MAP1B: variants seen among roughly 807,000 people sequenced by gnomAD.
The protein encoded by MAP1B is microtubule associated protein 1B, also known as microtubule-associated protein 1B.
A neutral mutation model predicts 176.1 loss-of-function variants in MAP1B; 12 were observed. The ratio of observed to expected loss-of-function variants is 0.07; its 90% CI spans 0.04 to 0.11. MAP1B has a LOEUF of 0.11. Among genes scored for constraint, MAP1B ranks in the 10% least tolerant of loss-of-function variants. The pLI is 1.00. For synonymous variants in MAP1B, 1,044 were observed against 1,135.0 expected, an observed-to-expected ratio of 0.92 and a Z score of 1.61; for missense variants, 2,523 against 2,990.5, an observed-to-expected ratio of 0.84 and a Z score of 3.65.
rs538070638 is a variant in MAP1B at position 72,196,306 on chromosome 5, C to G, written c.2951C>G (p.Ala984Gly). The change falls in exon 5 of 7, where the codon GCA becomes GGA. Residue 984 changes from alanine (A) to glycine (G), a missense_variant. Transcript: ENST00000296755. The surrounding 1 kb of genome is among the most constrained non-coding windows in gnomAD (Gnocchi z 5.3). The stretch of plus-strand genomic sequence containing the variant: ...GAAAGTGCCAAGGCGGAGGCTGATG[C>G]ATACATCAGGGAGAAGAGGGAGTCT... ...DEESAKAEAD[A>G]YIREKRESVA... 6.2e-7 allele frequency: 1 copy of G among 1,614,024 alleles called. No homozygotes were observed. Among genetic ancestry groups the G allele is most frequent in the Non-Finnish European group, 8.5e-7 (1 of 1,180,012 alleles).
At chr5:72,166,975 T>C (rs904633139) in intron 2 of MAP1B, among the ~76,000 whole-genome samples, 1 of 151,864 alleles carries the variant, frequency 6.6e-6, no homozygotes, top group Non-Finnish European at 1.5e-5. Context: ...AGTATAGCTT[T>C]TGGTACAGCC....
At chr5:72,164,783 C>T (rs967647655) in intron 2 of MAP1B, among the ~76,000 whole-genome samples, 3 of 152,100 alleles carry the variant, frequency 2.0e-5, no homozygotes, top group Non-Finnish European at 4.4e-5. Flanking sequence ...GCTCTCAGTC[C>T]GCTGGGTGAA....
At chr5:72,115,193 T>G (rs1745410664) in intron 1 of MAP1B, among the ~76,000 whole-genome samples, 1 of 152,042 alleles carries the variant, frequency 6.6e-6, no homozygotes, top group Non-Finnish European at 1.5e-5. Flanking sequence ...AGGAAAGAAA[T>G]TACACATGTA....
intron 1 of MAP1B, 75 bp from the exon 2 acceptor site, chr5:72,115,622 AT>A (rs1301040548): frequency 1.2e-6 from 1 of 845,210 alleles, no homozygotes; most frequent in Non-Finnish European, 2.1e-6. Context: ...CCTGAGAAAT[AT>A]TACAGTGATG....
chr5:72,160,339 T>C (rs1475620177), intron 2 of MAP1B, among the ~76,000 whole-genome samples: 1 of 152,224 alleles, frequency 6.6e-6, no homozygotes, highest in Non-Finnish European at 1.5e-5. Context: ...TTACTACAAA[T>C]TATACTTTTC....
chr5:72,180,062 G>T (rs1016482436), intron 2 of MAP1B, among the ~76,000 whole-genome samples: 1 of 152,220 alleles, frequency 6.6e-6, no homozygotes, highest in Non-Finnish European at 1.5e-5. Flanking sequence ...GTGCTGTGGA[G>T]GCAGGTGGAC....
chr5:72,128,684 A>C (rs988629489), intron 2 of MAP1B, among the ~76,000 whole-genome samples: 14 of 152,206 alleles, frequency 9.2e-5, no homozygotes, highest in African/African-American at 3.4e-4. Context: ...CTCTGCGCCC[A>C]GGCTGGAGTG....
At chr5:72,158,777 C>T (rs1015720749) in intron 2 of MAP1B, among the ~76,000 whole-genome samples, 2 of 152,104 alleles carry the variant, frequency 1.3e-5, no homozygotes, top group African/African-American at 4.8e-5. Context: ...TATAAGTGCT[C>T]ATGGGCAGAA....
chr5:72,203,850 A>G, intron 6 of MAP1B, 49 bp downstream of exon 6: 1 of 1,558,460 alleles, frequency 6.4e-7, no homozygotes, highest in Non-Finnish European at 8.8e-7. Flanking sequence ...CTGTGTCCAG[A>G]GGCAATGGGA....
chr5:72,186,766 T>A lies in MAP1B; in HGVS notation c.510+12T>A, dbSNP rs771362742. 6.2e-7 allele frequency: 1 copy of A among 1,613,658 alleles called. No individual in the cohort carries two copies. The highest frequency in any genetic ancestry group is 2.2e-5 in the East Asian group (1 of 44,896). On this transcript the variant is annotated intron_variant, in intron 4 of 6. Coordinates refer to ENST00000296755, the MANE Select transcript of MAP1B (RefSeq NM_005909.5). The surrounding 1 kb of genome is among the most constrained non-coding windows in gnomAD (Gnocchi z 4.3). ...TCACCGATCAAGAGGTAGGTTCGTG[T>A]CTGAGAATATCTGTGCTTCTAGTGG...
At chr5:72,112,492 T>G (rs957289439) in intron 1 of MAP1B, among the ~76,000 whole-genome samples, 2 of 152,164 alleles carry the variant, frequency 1.3e-5, no homozygotes, top group African/African-American at 4.8e-5. Flanking sequence ...TAATGACCCC[T>G]CCCTGCCTCC....
intron 3 of MAP1B, among the ~76,000 whole-genome samples, chr5:72,184,692 G>A (rs149092601): frequency 3.3e-4 from 50 of 152,218 alleles, no homozygotes; most frequent in African/African-American, 7.0e-4. Flanking sequence ...ATAGTTGAGC[G>A]CTTTTGAGAT....
intron 2 of MAP1B, among the ~76,000 whole-genome samples, chr5:72,139,948 A>G (rs575487053): frequency 1.4e-4 from 22 of 152,158 alleles, no homozygotes; most frequent in Non-Finnish European, 3.2e-4. Context: ...CATATATTGT[A>G]TAAGGATGTA....
intron 4 of MAP1B, chr5:72,193,433 T>C (rs1288499758): frequency 6.4e-6 from 2 of 314,290 alleles, no homozygotes; most frequent in African/African-American, 2.2e-5. Context: ...TCTCTTGTGA[T>C]AGTTTAACGT....
chr5:72,203,869 T>A, intron 6 of MAP1B, 68 bp downstream of exon 6: 2 of 1,465,162 alleles, frequency 1.4e-6, no homozygotes, highest in Non-Finnish European at 1.9e-6. Flanking sequence ...GAAGGAACCA[T>A]GTTTAAAGAG....
In MAP1B at chr5:72,209,531, ACTC is replaced by A. The variant is rs1450196110; in HGVS notation, c.*4293_*4295del. 2 of 151,922 alleles carry A rather than the reference ACTC, an allele frequency of 1.3e-5. No individual in the cohort carries two copies. The highest frequency in any genetic ancestry group is 2.9e-5 in the Non-Finnish European group (2 of 67,986). The allele number at this position is 151,922 out of a possible 1,614,324, so 9.4% of individuals were successfully genotyped here. On this transcript the variant is annotated 3_prime_UTR_variant, in exon 7 of 7. Transcript: ENST00000296755. ...TATTTGATGTAAAGGAAAAAAAAAA[ACTC>A]AGTTCCACAATAAAATACAAAAGTG... is the stretch of plus-strand genomic sequence containing the variant.
Position 72,199,613 on chromosome 5 carries a change from C to T in MAP1B, c.6258C>T (p.Ser2086=). ...AGGATGTCGATTTATGCCTCGTGTCCTCTTGTGAATACAAGCACCCCAAGA... is the reference window on the plus strand; with the variant it reads ...AGGATGTCGATTTATGCCTCGTGTCTTCTTGTGAATACAAGCACCCCAAGA... ...ARQDVDLCLV[S]SCEYKHPKTE... Residue 2086 remains serine, a synonymous_variant, in exon 5 of 7, where the codon TCC becomes TCT. Transcript: ENST00000296755. The surrounding 1 kb of genome is among the most constrained non-coding windows in gnomAD (Gnocchi z 4.2). 2 of 1,614,148 alleles carry T rather than the reference C, an allele frequency of 1.2e-6. No homozygotes were observed. Among genetic ancestry groups the T allele is most frequent in the Non-Finnish European group, 1.7e-6 (2 of 1,180,038 alleles).
intron 1 of MAP1B, among the ~76,000 whole-genome samples, chr5:72,112,367 G>A (rs1039533221): frequency 4.6e-5 from 7 of 151,948 alleles, no homozygotes; most frequent in Non-Finnish European, 1.5e-5. Context: ...TTAAATTGTT[G>A]GTTTCATTAA....
rs1394493522 is a variant in MAP1B, at chr5:72,209,125, G to A, written c.*3886G>A. The stretch of plus-strand genomic sequence containing the variant: ...CAGCATCAAAAACTGAAAAGGAAGG[G>A]AAAAAATAGGCAGCTTCTCTGCACT... On this transcript the variant is annotated 3_prime_UTR_variant, in exon 7 of 7. Transcript: ENST00000296755. 3 of 152,128 alleles carry A rather than the reference G, an allele frequency of 2.0e-5. No individual in the cohort carries two copies. Among genetic ancestry groups the A allele is most frequent in the African/African-American group, 7.2e-5 (3 of 41,434 alleles). The allele number at this position is 152,128 out of a possible 1,614,324, so 9.4% of individuals were successfully genotyped here.
Sources: allele counts gnomAD v4.1 joint callset (sites outside exome capture counted in the v4.1 genomes callset), GRCh38; gene constraint gnomAD v4.1.1; non-coding constraint Gnocchi (gnomAD v3.1); transcripts MANE v1.5; gene names NCBI Gene and HGNC (gene_info 2026-07-23, HGNC 2026-07-21).